The following ZFPM2 variants were observed in gnomAD, a reference collection of about 807,000 sequenced individuals.
ZFPM2 encodes zinc finger protein, FOG family member 2, also known as zinc finger protein ZFPM2.
A neutral mutation model predicts 98.6 loss-of-function variants in ZFPM2; 20 were observed. The ratio of observed to expected loss-of-function variants is 0.20; its 90% CI spans 0.14 to 0.29. ZFPM2 has a LOEUF of 0.29. Ranked by LOEUF, ZFPM2 falls within the 10% of genes least tolerant of loss-of-function variation. The pLI, the probability that ZFPM2 is intolerant of heterozygous loss-of-function variation, is 1.00. For missense variants in ZFPM2, 1,310 were observed against 1,388.6 expected, an observed-to-expected ratio of 0.94 and a Z score of 0.90; for synonymous variants, 518 against 502.7, an observed-to-expected ratio of 1.03 and a Z score of -0.41.
At chr8:105,652,090 C>T (rs114518053) in intron 5 of ZFPM2, among the ~76,000 whole-genome samples, 57 of 151,856 alleles carry the variant, frequency 3.8e-4, no homozygotes, top group African/African-American at 1.4e-3. Context: ...TTTGGTTCGA[C>T]ATCTTTGCAT....
At chr8:105,634,014 A>AG (rs1418613710) in intron 4 of ZFPM2, among the ~76,000 whole-genome samples, 1 of 135,394 alleles carries the variant, frequency 7.4e-6, no homozygotes, top group Non-Finnish European at 1.7e-5. Context: ...AGTATCATTT[A>AG]GGAAAAAAAA....
At chr8:105,456,933 G>C (rs746947328) in intron 3 of ZFPM2, among the ~76,000 whole-genome samples, 7 of 152,134 alleles carry the variant, frequency 4.6e-5, no homozygotes, top group Non-Finnish European at 2.9e-5. Context: ...GATTACAGAC[G>C]TGAGCCACTG....
chr8:105,747,996 C>A (rs1404573614), intron 5 of ZFPM2, among the ~76,000 whole-genome samples: 2 of 152,044 alleles, frequency 1.3e-5, no homozygotes, highest in African/African-American at 4.8e-5. Flanking sequence ...GCATTTGTAT[C>A]TTTTTGTAGG....
At chr8:105,448,167 C>G (rs948820480) in intron 3 of ZFPM2, among the ~76,000 whole-genome samples, 11 of 152,056 alleles carry the variant, frequency 7.2e-5, no homozygotes, top group African/African-American at 2.6e-4. Context: ...ATTTCAGTAC[C>G]TCTCAAGTCT....
intron 2 of ZFPM2, among the ~76,000 whole-genome samples, chr8:105,419,949 C>A (rs1166017652): frequency 6.6e-6 from 1 of 152,012 alleles, no homozygotes; most frequent in Non-Finnish European, 1.5e-5. Context: ...CATATATACT[C>A]ATTTGTTTAC....
chr8:105,348,691 G>A lies in ZFPM2; in HGVS notation c.40+29710G>A, dbSNP rs192567561. 1.3e-3 allele frequency among the ~76,000 whole-genome samples: 201 copies of A among 152,252 alleles called. 1 individual carries two copies. The highest frequency in any genetic ancestry group is 4.4e-3 in the African/African-American group (184 of 41,540). ...ACTTCTTTCAAGGGAGGGACAGGGG[G>A]CAGGTATAGCAGTAAACCAATAAAA... On this transcript the variant is annotated intron_variant, in intron 1 of 7. Coordinates refer to ENST00000407775, the MANE Select transcript of ZFPM2 (RefSeq NM_012082.4).
chr8:105,434,722 A>G (rs987270461), intron 2 of ZFPM2, among the ~76,000 whole-genome samples: 1 of 152,180 alleles, frequency 6.6e-6, no homozygotes, highest in African/African-American at 2.4e-5. Flanking sequence ...AGGGATGACT[A>G]ACAGCTACAG....
At chr8:105,561,559 C>A in intron 4 of ZFPM2, 78 bp downstream of exon 4, 1 of 1,142,500 alleles carries the variant, frequency 8.8e-7, no homozygotes, top group Non-Finnish European at 1.2e-6. Context: ...ATTCTCTCTG[C>A]TTGCTTTCCA....
chr8:105,482,133 C>T (rs1406696949), intron 3 of ZFPM2, among the ~76,000 whole-genome samples: 1 of 152,120 alleles, frequency 6.6e-6, no homozygotes, highest in Non-Finnish European at 1.5e-5. Flanking sequence ...CAGCTTTTCT[C>T]TTGTAATTCA....
chr8:105,777,938 G>T (rs1813143806), intron 5 of ZFPM2, among the ~76,000 whole-genome samples: 1 of 152,250 alleles, frequency 6.6e-6, no homozygotes, highest in South Asian at 2.1e-4. Context: ...GAAGCAGCTG[G>T]CCCATTGTTT....
At chr8:105,648,207 C>T (rs1357217718) in intron 5 of ZFPM2, among the ~76,000 whole-genome samples, 2 of 152,038 alleles carry the variant, frequency 1.3e-5, no homozygotes, top group Admixed American at 6.6e-5. Context: ...TGTCCTTTGC[C>T]CACTTTTTGA....
intron 5 of ZFPM2, among the ~76,000 whole-genome samples, chr8:105,645,976 C>T (rs1231054515): frequency 6.6e-6 from 1 of 150,960 alleles, no homozygotes; most frequent in Non-Finnish European, 1.5e-5. Flanking sequence ...TCGCTTGAAC[C>T]CGGGAGGCAG....
At chr8:105,779,709 A>T (rs2131108146) in intron 5 of ZFPM2, among the ~76,000 whole-genome samples, 1 of 152,298 alleles carries the variant, frequency 6.6e-6, no homozygotes, top group Admixed American at 6.5e-5. Context: ...TTTGCTAATG[A>T]TGGGATCCTT....
At chr8:105,502,736 G>A (rs1472860290) in intron 3 of ZFPM2, among the ~76,000 whole-genome samples, 1 of 152,108 alleles carries the variant, frequency 6.6e-6, no homozygotes, top group Non-Finnish European at 1.5e-5. Context: ...TAATCTATCC[G>A]GACTTCAGTA....
intron 5 of ZFPM2, among the ~76,000 whole-genome samples, chr8:105,650,549 C>T (rs1451915329): frequency 6.6e-5 from 10 of 152,076 alleles, no homozygotes; most frequent in Middle Eastern, 3.2e-3. Context: ...CTGCTTTAAA[C>T]GTGTCCCAGA....
intron 4 of ZFPM2, among the ~76,000 whole-genome samples, chr8:105,582,184 G>A (rs570368056): frequency 7.2e-5 from 11 of 152,232 alleles, no homozygotes; most frequent in Admixed American, 1.3e-4. Flanking sequence ...CAATCCACCC[G>A]GATATATTAG....
intron 6 of ZFPM2, chr8:105,795,873 G>A (rs963875541): frequency 1.5e-5 from 6 of 408,962 alleles, no homozygotes; most frequent in Non-Finnish European, 2.9e-5. Flanking sequence ...CATCTTAAGA[G>A]GAGAATAGAT....
chr8:105,745,704 A>G (rs12545480), intron 5 of ZFPM2, among the ~76,000 whole-genome samples: 17,048 of 152,172 alleles, frequency 0.11, 1,341 homozygotes, highest in East Asian at 0.35. Flanking sequence ...TTAATGTCCA[A>G]TTATGCACAG....
intron 5 of ZFPM2, among the ~76,000 whole-genome samples, chr8:105,775,488 G>C (rs868122062): frequency 2.0e-5 from 3 of 152,152 alleles, no homozygotes; most frequent in African/African-American, 7.2e-5. Flanking sequence ...CCTGATTGCT[G>C]ATGAAGAATG....
Sources: allele counts gnomAD v4.1 joint callset (sites outside exome capture counted in the v4.1 genomes callset), GRCh38; gene constraint gnomAD v4.1.1; transcripts MANE v1.5; gene names NCBI Gene and HGNC (gene_info 2026-07-23, HGNC 2026-07-21).